The following PRIM2 variants were observed in gnomAD, a reference collection of about 807,000 sequenced individuals.
PRIM2 encodes DNA primase large subunit.
Under a neutral mutation model 67.3 loss-of-function variants are expected in PRIM2, and 39 were observed. The ratio of observed to expected loss-of-function variants is 0.58; its 90% CI spans 0.45 to 0.76. The LOEUF is 0.76. Among genes scored for constraint, PRIM2 ranks in the 30% least tolerant of loss-of-function variants. The pLI is 0.00. For missense variants in PRIM2, 398 were observed against 598.7 expected, an observed-to-expected ratio of 0.66 and a Z score of 3.50; for synonymous variants, 143 against 198.7, an observed-to-expected ratio of 0.72 and a Z score of 2.36.
the PRIM2 span, among the ~76,000 whole-genome samples, chr6:57,246,371 G>A: frequency 6.6e-6 from 1 of 152,192 alleles, no homozygotes; most frequent in African/African-American, 2.4e-5. Context: ...TAGTATATAA[G>A]TTTCCTAAGA....
In PRIM2 at chr6:57,584,769, CA is replaced by C. The variant is rs1776158843; in HGVS notation, c.1021-16319del. On this transcript the variant is annotated intron_variant, in intron 10 of 13. Coordinates refer to ENST00000615550, the MANE Select transcript of PRIM2 (RefSeq NM_000947.5). ...GAACTATTTTATAAATTTCACCTTT[CA>C]AAAATGGCACAAACTAGTTTCTACA... is the stretch of plus-strand genomic sequence containing the variant. Among the ~76,000 whole-genome samples, 4 of 152,216 alleles carry C rather than the reference CA, an allele frequency of 2.6e-5. No individual in the cohort carries two copies. The South Asian group carries it at 8.3e-4, about 32-fold the overall frequency.
chr6:57,247,224 G>T, the PRIM2 span, among the ~76,000 whole-genome samples: 1 of 152,156 alleles, frequency 6.6e-6, no homozygotes, highest in Non-Finnish European at 1.5e-5. Flanking sequence ...GGGCAACTAG[G>T]TTTATCCCTT....
chr6:57,633,549 CAATAAT>C (rs1264691134), intron 13 of PRIM2, among the ~76,000 whole-genome samples: 2 of 151,644 alleles, frequency 1.3e-5, no homozygotes, highest in Non-Finnish European at 2.9e-5. Flanking sequence ...ATAATATTAC[CAATAAT>C]AATTGAAATA....
chr6:57,322,117 A>C (rs912012013), intron 3 of PRIM2, among the ~76,000 whole-genome samples: 2 of 152,182 alleles, frequency 1.3e-5, no homozygotes, highest in African/African-American at 4.8e-5. Flanking sequence ...TGAAAAGAGA[A>C]GAGAAATAGG....
intron 7 of PRIM2, among the ~76,000 whole-genome samples, chr6:57,479,245 A>T (rs1773554240): frequency 6.6e-6 from 1 of 152,224 alleles, no homozygotes; most frequent in Non-Finnish European, 1.5e-5. Flanking sequence ...ATCAGAACTG[A>T]TTTGTGTGTT....
the PRIM2 span, among the ~76,000 whole-genome samples, chr6:57,247,816 T>C: frequency 6.6e-6 from 1 of 152,220 alleles, no homozygotes; most frequent in African/African-American, 2.4e-5. Context: ...GGAATCCTAC[T>C]ATTTGGGCTT....
At chr6:57,237,823 G>A in the PRIM2 span, among the ~76,000 whole-genome samples, 2 of 152,148 alleles carry the variant, frequency 1.3e-5, no homozygotes, top group Non-Finnish European at 2.9e-5. Flanking sequence ...CTATAGCCTT[G>A]TGGTATAGTT....
chr6:57,320,050 A>G (rs1767599224), intron 2 of PRIM2, among the ~76,000 whole-genome samples: 1 of 152,202 alleles, frequency 6.6e-6, no homozygotes, highest in Non-Finnish European at 1.5e-5. Flanking sequence ...TCATCAGGAA[A>G]GGAAGGGATG....
chr6:57,559,126 C>A (rs1287536392), intron 10 of PRIM2, among the ~76,000 whole-genome samples: 5 of 145,220 alleles, frequency 3.4e-5, no homozygotes, highest in South Asian at 2.3e-4. Context: ...TGACACCCTG[C>A]GTCTTAAAGA....
At chr6:57,485,715 T>C (rs1307555220) in intron 7 of PRIM2, among the ~76,000 whole-genome samples, 1 of 152,194 alleles carries the variant, frequency 6.6e-6, no homozygotes, top group African/African-American at 2.4e-5. Flanking sequence ...TATCCACTTA[T>C]CTGGTTGGCA....
intron 10 of PRIM2, among the ~76,000 whole-genome samples, chr6:57,590,886 C>T (rs1200720247): frequency 6.6e-6 from 1 of 152,166 alleles, no homozygotes; most frequent in African/African-American, 2.4e-5. Flanking sequence ...GATATAACTC[C>T]TTTTTTACAT....
At chr6:57,240,690 AT>A in the PRIM2 span, among the ~76,000 whole-genome samples, 1 of 152,176 alleles carries the variant, frequency 6.6e-6, no homozygotes, top group Non-Finnish European at 1.5e-5. Flanking sequence ...AGGAGAGATA[AT>A]TGATAGAATA....
chr6:57,583,729 T>A (rs1162958566), intron 10 of PRIM2, among the ~76,000 whole-genome samples: 5 of 152,254 alleles, frequency 3.3e-5, no homozygotes, highest in African/African-American at 9.6e-5. Flanking sequence ...TTTCTAGTTC[T>A]AGATCCCTGA....
intron 5 of PRIM2, among the ~76,000 whole-genome samples, chr6:57,363,595 C>T (rs1213681671): frequency 2.0e-5 from 3 of 152,132 alleles, no homozygotes; most frequent in Non-Finnish European, 4.4e-5. Flanking sequence ...CTGGCTTCTC[C>T]TCTTGCTGTG....
chr6:57,560,109 A>C (rs1775598169), intron 10 of PRIM2, among the ~76,000 whole-genome samples: 1 of 152,216 alleles, frequency 6.6e-6, no homozygotes. Flanking sequence ...ATTGCAGTCT[A>C]TCCTCTCAAC....
At chr6:57,355,473 G>C (rs1769002450) in intron 5 of PRIM2, among the ~76,000 whole-genome samples, 1 of 152,128 alleles carries the variant, frequency 6.6e-6, no homozygotes, top group African/African-American at 2.4e-5. Context: ...GAAGCAGGGG[G>C]AACATCTCAG....
intron 10 of PRIM2, among the ~76,000 whole-genome samples, chr6:57,564,454 A>T (rs1341601032): frequency 6.6e-6 from 1 of 152,176 alleles, no homozygotes; most frequent in Non-Finnish European, 1.5e-5. Flanking sequence ...CCCTTTGGCT[A>T]TTTTTATTAA....
At chr6:57,297,006 T>C in the PRIM2 span, among the ~76,000 whole-genome samples, 1 of 152,098 alleles carries the variant, frequency 6.6e-6, no homozygotes, top group Non-Finnish European at 1.5e-5. Context: ...TGGACCATAC[T>C]CTATAGAATA....
chr6:57,559,589 T>G (rs1454365871), intron 10 of PRIM2, among the ~76,000 whole-genome samples: 4 of 152,196 alleles, frequency 2.6e-5, no homozygotes, highest in African/African-American at 9.7e-5. Flanking sequence ...CATAGGATAC[T>G]TGACGGGATA....
Sources: gnomAD v4.1 joint callset for allele counts (sites outside exome capture counted in the v4.1 genomes callset) on GRCh38, gnomAD v4.1.1 for gene constraint, MANE v1.5 for transcripts, NCBI Gene and HGNC (gene_info 2026-07-23, HGNC 2026-07-21) for gene names.